The following FAM169A variants were observed in gnomAD, a reference collection of about 807,000 sequenced individuals.
FAM169A encodes the protein soluble lamin-associated protein of 75 kDa.
Under a neutral mutation model 75.7 loss-of-function variants are expected in FAM169A, and 24 were observed. The observed-to-expected ratio is 0.32, with a 90% CI of 0.23 to 0.45. The LOEUF (loss-of-function observed/expected upper bound fraction) is 0.45. Ranked by LOEUF, FAM169A falls within the 20% of genes least tolerant of loss-of-function variation. The probability of loss-of-function intolerance (pLI) is 1.00; values close to 1 mark genes in which losing one functional copy is unlikely to be tolerated. For synonymous variants in FAM169A, 271 were observed against 271.0 expected (o/e 1.00, Z 0.00); for missense variants, 673 against 784.0 (o/e 0.86, Z 1.69).
chr5:74,810,965 T>C (rs1339531065), intron 6 of FAM169A, among the ~76,000 whole-genome samples: 5 of 143,318 alleles, frequency 3.5e-5, no homozygotes, highest in Non-Finnish European at 7.5e-5. Flanking sequence ...CGCACACCAC[T>C]AGGCCTGGAT....
intron 3 of FAM169A, among the ~76,000 whole-genome samples, 172 bp downstream of exon 3, chr5:74,839,902 T>C (rs2112669779): frequency 6.6e-6 from 1 of 152,236 alleles, no homozygotes; most frequent in South Asian, 2.1e-4. Context: ...ATAGCAGACA[T>C]TCATCCATCA....
chr5:74,806,984 A>G lies in FAM169A; in HGVS notation c.671-1700T>C, dbSNP rs143742572. Among the ~76,000 whole-genome samples the G allele has an allele frequency of 2.5e-3, 376 of 152,340 alleles. 4 individuals are homozygous for G. The highest frequency in any genetic ancestry group is 8.5e-3 in the African/African-American group (352 of 41,572). On this transcript the variant is annotated intron_variant, in intron 6 of 12. Transcript: ENST00000687041. ...CAGGATATGACAAGCACCAAGAAGA[A>G]TAAGGGAAATGGAAACACACACTCT...
Position 74,846,543 on chromosome 5 carries a change from G to A in FAM169A, c.-3-4864C>T, listed in dbSNP as rs570770279. 3.3e-5 allele frequency among the ~76,000 whole-genome samples: 5 copies of A among 152,132 alleles called. No homozygotes were observed. The East Asian group carries it at 7.7e-4, about 23-fold the overall frequency. ...ATTTCATATTTAAAATTCTAAATACGCACGTTATTTTAGATTGATCACTGA... is the reference window on the plus strand; with the variant it reads ...ATTTCATATTTAAAATTCTAAATACACACGTTATTTTAGATTGATCACTGA... On this transcript the variant is annotated intron_variant, in intron 1 of 12. Transcript: ENST00000687041.
chr5:74,812,939 T>C (rs1049310235), intron 6 of FAM169A, among the ~76,000 whole-genome samples: 1 of 152,218 alleles, frequency 6.6e-6, no homozygotes, highest in Non-Finnish European at 1.5e-5. Context: ...CAGCAATCAC[T>C]TTAGAACAAG....
At chr5:74,816,842 A>T (rs1747496238) in intron 5 of FAM169A, among the ~76,000 whole-genome samples, 2 of 152,230 alleles carry the variant, frequency 1.3e-5, no homozygotes, top group South Asian at 4.1e-4. Context: ...GAGTATTGTT[A>T]TTCACCCCCC....
intron 6 of FAM169A, among the ~76,000 whole-genome samples, chr5:74,809,215 T>C (rs780301344): frequency 2.0e-5 from 3 of 151,960 alleles, no homozygotes; most frequent in Non-Finnish European, 4.4e-5. Flanking sequence ...TTGCAAAAAA[T>C]GCACATGGAC....
intron 1 of FAM169A, among the ~76,000 whole-genome samples, chr5:74,859,742 G>C (rs1469233320): frequency 6.6e-6 from 1 of 152,086 alleles, no homozygotes. Flanking sequence ...CCTCAGCTGA[G>C]CATGGTAGCT....
At chr5:74,808,860 T>A (rs147441128) in intron 6 of FAM169A, among the ~76,000 whole-genome samples, 311 of 152,326 alleles carry the variant, frequency 2.0e-3, no homozygotes, top group African/African-American at 7.2e-3. Context: ...TAGTTCTCCC[T>A]TAAACTAAAA....
intron 11 of FAM169A, among the ~76,000 whole-genome samples, chr5:74,790,723 A>G (rs1458426794): frequency 6.6e-6 from 1 of 152,200 alleles, no homozygotes; most frequent in African/African-American, 2.4e-5. Context: ...GCATGGGCTC[A>G]GCAACATGGA....
Position 74,781,834 on chromosome 5 carries a change from CAG to C in FAM169A, c.1637_1638del (p.Ser546CysfsTer4), listed in dbSNP as rs1580066226. 6.2e-7 allele frequency: 1 copy of C among 1,614,088 alleles called. No individual in the cohort carries two copies. Among genetic ancestry groups the C allele is most frequent in the Non-Finnish European group, 8.5e-7 (1 of 1,180,004 alleles). On this transcript the variant is annotated frameshift_variant, in exon 13 of 13. Transcript: ENST00000687041. LOFTEE classifies it high-confidence loss of function. ...GGTTCTTCGGAAAATTCAGCTATCA[CAG>C]AGTTTGGAAAACCACCATCAGATCG... ...EERSDGGFPN[S>X]VIAEFSEEPV...
At chr5:74,854,186 G>A (rs1038678379) in intron 1 of FAM169A, among the ~76,000 whole-genome samples, 1 of 152,058 alleles carries the variant, frequency 6.6e-6, no homozygotes, top group Non-Finnish European at 1.5e-5. Flanking sequence ...CTGAGGTTAG[G>A]AGTTCAAAAC....
intron 6 of FAM169A, among the ~76,000 whole-genome samples, chr5:74,806,672 T>A (rs1746902016): frequency 6.6e-6 from 1 of 152,194 alleles, no homozygotes; most frequent in Admixed American, 6.5e-5. Flanking sequence ...CTTAAACTTA[T>A]ATTTAAATTA....
intron 10 of FAM169A, chr5:74,800,111 A>C: frequency 3.4e-6 from 2 of 588,302 alleles, no homozygotes; most frequent in Admixed American, 4.3e-5. Context: ...CAGCGTGACA[A>C]ACTATGGCTG....
intron 6 of FAM169A, among the ~76,000 whole-genome samples, chr5:74,805,989 A>G (rs1200560897): frequency 6.6e-6 from 1 of 151,548 alleles, no homozygotes; most frequent in Non-Finnish European, 1.5e-5. Flanking sequence ...AAAAAAAAAA[A>G]AAAAGAAATA....
chr5:74,804,512 G>A lies in FAM169A; in HGVS notation c.893C>T (p.Ser298Phe), dbSNP rs766649164. The stretch of plus-strand genomic sequence containing the variant: ...ACCTACAGTTAGCTGCATCTCACTA[G>A]ACTGATTGTCTTCAGTTCTTGCTTC... ...EYEARTEDNQSSEMQLTIDSL... is the reference protein window; with the variant it reads ...EYEARTEDNQFSEMQLTIDSL... The change falls in exon 8 of 13, where the codon TCT (serine) becomes TTT (phenylalanine). Residue 298 changes from serine to phenylalanine, a missense_variant. Around this residue, in one of 3 missense-constraint regions of FAM169A, gnomAD observed 510 missense variants for 550.9 expected, o/e 0.93. Coordinates refer to ENST00000687041, the MANE Select transcript of FAM169A (RefSeq NM_001376049.1). 14 of 1,595,872 alleles carry A rather than the reference G, an allele frequency of 8.8e-6. No homozygotes were observed. Among genetic ancestry groups the A allele is most frequent in the Non-Finnish European group, 1.2e-5 (14 of 1,164,364 alleles).
At position 74,861,478 on chromosome 5, in the gene FAM169A, C is replaced by A. The variant is rs908350666; in HGVS notation, c.-4+4687G>T. 1.5e-4 allele frequency among the ~76,000 whole-genome samples: 23 copies of A among 152,162 alleles called. 1 individual carries two copies. Among genetic ancestry groups the A allele is most frequent in the Admixed American group, 1.5e-3 (23 of 15,282 alleles). On this transcript the variant is annotated intron_variant, in intron 1 of 12. Coordinates refer to ENST00000687041, the MANE Select transcript of FAM169A (RefSeq NM_001376049.1). ...TGACCAGACATAGTGGCTCCCAGCA[C>A]TTTGGGAGACCAAGACAGGCAGATC...
At chr5:74,782,117 A>G in intron 12 of FAM169A, 109 bp from the exon 13 acceptor site, 2 of 798,852 alleles carry the variant, frequency 2.5e-6, no homozygotes, top group Non-Finnish European at 2.0e-6. Context: ...TTCGGTATTC[A>G]TTACTCAAAA....
chr5:74,783,946 G>C (rs1745538239), intron 11 of FAM169A, among the ~76,000 whole-genome samples: 1 of 152,114 alleles, frequency 6.6e-6, no homozygotes, highest in African/African-American at 2.4e-5. Flanking sequence ...TTTTCCAAAA[G>C]AGAAATCACG....
At chr5:74,825,176 T>C (rs1482991921) in intron 5 of FAM169A, among the ~76,000 whole-genome samples, 1 of 152,162 alleles carries the variant, frequency 6.6e-6, no homozygotes, top group Non-Finnish European at 1.5e-5. Flanking sequence ...ACTATGTAAA[T>C]CTTATCCCAA....
Sources: gnomAD v4.1 joint callset for allele counts (sites outside exome capture counted in the v4.1 genomes callset) on GRCh38, gnomAD v4.1.1 for gene constraint, gnomAD v4.1.1 regional missense constraint, MANE v1.5 for transcripts, NCBI Gene and HGNC (gene_info 2026-07-23, HGNC 2026-07-21) for gene names.